ZNF628: variants seen among roughly 807,000 people sequenced by gnomAD.
ZNF628 encodes the protein zinc finger protein Zec.
In ZNF628, 3 loss-of-function variants were observed where a neutral mutation model predicts 2.5. That is an observed-to-expected ratio of 1.19 (90% CI 0.54 to 3.07). The LOEUF (loss-of-function observed/expected upper bound fraction) is 3.07. Ranked by LOEUF, ZNF628 falls within the 30% of genes most tolerant of loss-of-function variation. The probability of loss-of-function intolerance (pLI) is 0.03; values close to 1 mark genes in which losing one functional copy is unlikely to be tolerated. For missense variants in ZNF628, 1,610 were observed against 1,517.1 expected, an observed-to-expected ratio of 1.06 and a Z score of -1.02; for synonymous variants, 861 against 717.1, an observed-to-expected ratio of 1.20 and a Z score of -3.21.
At position 55,482,516 on chromosome 19, in the gene ZNF628, G is replaced by A. The variant is rs1201555434; in HGVS notation, c.1323G>A (p.Pro441=). Residue 441 remains proline, a synonymous_variant, in exon 3 of 3, where the codon CCG becomes CCA. Coordinates refer to ENST00000598519, the MANE Select transcript of ZNF628 (RefSeq NM_033113.3). ...EPLAPAAPVP[P]PPPSAPASAE... Reference sequence around the variant, plus strand: ...TGGCGCCTGCCGCCCCCGTCCCGCCGCCACCCCCGTCCGCCCCCGCTTCTG... The same window carrying A: ...TGGCGCCTGCCGCCCCCGTCCCGCCACCACCCCCGTCCGCCCCCGCTTCTG... The A allele has an allele frequency of 5.2e-6, 5 of 959,192 alleles. No individual in the cohort carries two copies. Among genetic ancestry groups the A allele is most frequent in the South Asian group, 1.6e-5 (1 of 61,340 alleles). The allele number at this position is 959,192 out of a possible 1,614,324, so 59.4% of individuals were successfully genotyped here. A position where few individuals can be genotyped will look rare whatever the true frequency, so the allele number is the denominator to read the frequency against.
rs182599385 is a variant in ZNF628, at chr19:55,477,849, G to A, written c.-78+1042G>A. On this transcript the variant is annotated intron_variant, in intron 1 of 2. Transcript: ENST00000598519. Reference sequence around the variant, plus strand: ...CATTCATTTAAAATTTGTTTACTGCGCACACACTCTGCCAGACATTATTGT... The same window carrying A: ...CATTCATTTAAAATTTGTTTACTGCACACACACTCTGCCAGACATTATTGT... Among the ~76,000 whole-genome samples the A allele has an allele frequency of 4.1e-4, 63 of 152,220 alleles. 1 individual carries two copies. The highest frequency in any genetic ancestry group is 3.5e-3 in the Admixed American group (54 of 15,298).
intron 1 of ZNF628, among the ~76,000 whole-genome samples, chr19:55,478,445 G>T (rs1986616806): frequency 6.6e-6 from 1 of 152,172 alleles, no homozygotes; most frequent in African/African-American, 2.4e-5. Flanking sequence ...GGCGTGCCTG[G>T]CCATCCTGGG....
In ZNF628 at chr19:55,483,122, G is replaced by C; in HGVS notation, c.1929G>C (p.Thr643=). 6.3e-7 allele frequency: 1 copy of C among 1,592,870 alleles called. No homozygotes were observed. The highest frequency in any genetic ancestry group is 1.3e-5 in the African/African-American group (1 of 74,778). The part of the protein sequence containing the change: ...MAAYLQRHLR[T]HAPANTPPST... Reference sequence around the variant, plus strand: ...CCTATCTGCAGCGGCACCTGAGGACGCACGCCCCGGCCAACACGCCTCCCA... The same window carrying C: ...CCTATCTGCAGCGGCACCTGAGGACCCACGCCCCGGCCAACACGCCTCCCA... Residue 643 remains threonine (T), a synonymous_variant, in exon 3 of 3, where the codon ACG becomes ACC. Transcript: ENST00000598519.
chr19:55,481,478 C>T lies in ZNF628; in HGVS notation c.285C>T (p.Pro95=). Residue 95 remains proline, a synonymous_variant, in exon 3 of 3, where the codon CCC becomes CCT. Transcript: ENST00000598519. ...GHTGERPYQC[P]DCPKAFKRSS... is the part of the protein sequence containing the mutation. The stretch of plus-strand genomic sequence containing the variant: ...CGGGCGAGCGGCCCTACCAGTGCCC[C>T]GACTGTCCCAAGGCCTTCAAGCGCT... 6.2e-7 allele frequency: 1 copy of T among 1,609,676 alleles called. No individual in the cohort carries two copies. The highest frequency in any genetic ancestry group is 8.5e-7 in the Non-Finnish European group (1 of 1,178,904).
intron 1 of ZNF628, among the ~76,000 whole-genome samples, chr19:55,477,353 G>GTTTTTTTT (rs60568698): frequency 6.8e-6 from 1 of 146,856 alleles, no homozygotes; most frequent in African/African-American, 2.5e-5. Context: ...CAGTAGGTTT[G>GTTTTTTTT]TTTTTTTTTT....
chr19:55,480,297 G>A (rs924709472), intron 2 of ZNF628, among the ~76,000 whole-genome samples: 1 of 150,146 alleles, frequency 6.7e-6, no homozygotes, highest in Non-Finnish European at 1.5e-5. Context: ...CCAGGCTGGA[G>A]TACAGTGGTG....
intron 1 of ZNF628, among the ~76,000 whole-genome samples, chr19:55,477,346 TAGG>T (rs1986578991): frequency 1.9e-5 from 2 of 105,866 alleles, no homozygotes; most frequent in African/African-American, 8.0e-5. Flanking sequence ...TTAGCATCAG[TAGG>T]TTTGTTTTTT....
intron 1 of ZNF628, among the ~76,000 whole-genome samples, chr19:55,477,205 C>G (rs1176434068): frequency 6.6e-6 from 1 of 152,144 alleles, no homozygotes; most frequent in Non-Finnish European, 1.5e-5. Flanking sequence ...AGGGGAGGTC[C>G]AGCCTGCTGA....
At chr19:55,481,084 C>T (rs1023479092) in intron 2 of ZNF628, 117 bp from the exon 3 acceptor site, 54 of 1,370,332 alleles carry the variant, frequency 3.9e-5, no homozygotes, top group Non-Finnish European at 5.0e-5. Flanking sequence ...GGAAGGTCCC[C>T]TGCAAAGTGG....
rs1181075054 is a variant in ZNF628, at chr19:55,482,445, C to T, written c.1252C>T (p.Pro418Ser). The T allele has an allele frequency of 5.9e-6, 8 of 1,359,328 alleles. No homozygotes were observed. The highest frequency in any genetic ancestry group is 7.5e-5 in the Admixed American group (2 of 26,518). The allele number at this position is 1,359,328 out of a possible 1,614,324, so 84.2% of individuals were successfully genotyped here. A position where few individuals can be genotyped will look rare whatever the true frequency, so the allele number is the denominator to read the frequency against. ...GGAAGAGGCCGCGGCCGGGCGCCCG[C>T]CCCCGCAGGCTGAGGCTGCGGAGGT... The part of the protein sequence containing the change: ...HVEEAAAGRP[P>S]PQAEAAEVTC... Residue 418 changes from proline (P) to serine (S), a missense_variant, in exon 3 of 3, where the codon CCC (proline) becomes TCC (serine). Physicochemically the swap from Pro to Ser is moderately conservative, Grantham distance 74. Around this residue, in one of 5 missense-constraint regions of ZNF628, gnomAD observed 651 missense variants for 575.6 expected, o/e 1.13. Transcript: ENST00000598519.
chr19:55,477,642 A>G (rs1986590735), intron 1 of ZNF628, among the ~76,000 whole-genome samples: 1 of 151,864 alleles, frequency 6.6e-6, no homozygotes, highest in Non-Finnish European at 1.5e-5. Context: ...TGCACCTGTA[A>G]TCCCAGCTAC....
chr19:55,482,600 GC>G lies in ZNF628; in HGVS notation c.1408del (p.Arg470AlafsTer172). 6.2e-7 allele frequency: 1 copy of G among 1,605,302 alleles called. No individual in the cohort carries two copies. Among genetic ancestry groups the G allele is most frequent in the East Asian group, 2.2e-5 (1 of 44,794 alleles). ...GKSFKGSSGLRYHLRDHTGER... is the reference protein window; with the variant it reads ...GKSFKGSSGLXYHLRDHTGER... ...AGTCCTTCAAGGGCTCCTCCGGGCT[GC>G]GCTACCACCTGCGGGACCACACGGG... On this transcript the variant is annotated frameshift_variant, in exon 3 of 3. Coordinates refer to ENST00000598519, the MANE Select transcript of ZNF628 (RefSeq NM_033113.3). LOFTEE classifies it low-confidence loss of function (END_TRUNC).
In ZNF628 at chr19:55,482,021, G is replaced by T. The variant is rs750555989; in HGVS notation, c.828G>T (p.Pro276=). 8.5e-7 allele frequency: 1 copy of T among 1,177,298 alleles called. No homozygotes were observed. The highest frequency in any genetic ancestry group is 1.5e-5 in the South Asian group (1 of 68,700). 72.9% of individuals were successfully genotyped at this position (1,177,298 alleles called of 1,614,324 possible). A position where few individuals can be genotyped will look rare whatever the true frequency, so the allele number is the denominator to read the frequency against. ...PAPPAPPPPP[P]PVVPELFLAA... ...CTCCCGCCCCGCCGCCCCCGCCCCC[G>T]CCCGTGGTGCCTGAGCTCTTTTTGG... The change falls in exon 3 of 3, where the codon CCG becomes CCT. Residue 276 remains proline (P), a synonymous_variant. Transcript: ENST00000598519.
intron 2 of ZNF628, 29 bp from the exon 3 acceptor site, chr19:55,481,172 G>C (rs754695150): frequency 1.3e-6 from 2 of 1,493,230 alleles, no homozygotes; most frequent in Non-Finnish European, 1.8e-6. Flanking sequence ...GTGCGGGGGT[G>C]AGCCGCTGAC....
chr19:55,483,530 T>C lies in ZNF628; in HGVS notation c.2337T>C (p.Pro779=), dbSNP rs377724898. 2 of 1,570,574 alleles carry C rather than the reference T, an allele frequency of 1.3e-6. No homozygotes were observed. Among genetic ancestry groups the C allele is most frequent in the African/African-American group, 2.7e-5 (2 of 74,246 alleles). The change falls in exon 3 of 3, where the codon CCT becomes CCC. Residue 779 remains proline, a synonymous_variant. Coordinates refer to ENST00000598519, the MANE Select transcript of ZNF628 (RefSeq NM_033113.3). Reference sequence around the variant, plus strand: ...CGGGAGTGGTCTGGCTGCCAGGCCCTGGGGGTCTAGGGGTGCAGGGAGCGG... The same window carrying C: ...CGGGAGTGGTCTGGCTGCCAGGCCCCGGGGGTCTAGGGGTGCAGGGAGCGG... The part of the protein sequence containing the change: ...QGAGVVWLPG[P]GGLGVQGAAS...
chr19:55,479,145 G>C lies in ZNF628; in HGVS notation c.-77-689G>C, dbSNP rs1986636424. Among the ~76,000 whole-genome samples, 1 of 152,160 alleles carries C rather than the reference G, an allele frequency of 6.6e-6. No individual in the cohort carries two copies. Among genetic ancestry groups the C allele is most frequent in the South Asian group, 2.1e-4 (1 of 4,832 alleles). On this transcript the variant is annotated intron_variant, in intron 1 of 2. Transcript: ENST00000598519. The surrounding 1 kb of genome is among the most constrained non-coding windows in gnomAD (Gnocchi z 5.1). Reference sequence around the variant, plus strand: ...CGCTCCCACATCTAGAGGTCAGGGAGGTGAGAAGGAACCAAGCTGGGGACT... The same window carrying C: ...CGCTCCCACATCTAGAGGTCAGGGACGTGAGAAGGAACCAAGCTGGGGACT...
At position 55,479,673 on chromosome 19, in the gene ZNF628, G is replaced by A. The variant is rs1986651627; in HGVS notation, c.-77-161G>A. Among the ~76,000 whole-genome samples, 1 of 152,192 alleles carries A rather than the reference G, an allele frequency of 6.6e-6. No individual in the cohort carries two copies. Among genetic ancestry groups the A allele is most frequent in the African/African-American group, 2.4e-5 (1 of 41,428 alleles). On this transcript the variant is annotated intron_variant, in intron 1 of 2. Transcript: ENST00000598519. The surrounding 1 kb of genome is among the most constrained non-coding windows in gnomAD (Gnocchi z 5.1). Reference sequence around the variant, plus strand: ...CATCCCTGGCCTCCACCCACTAGATGCCAGGAGCACTTGCCTCTCTAGTTA... The same window carrying A: ...CATCCCTGGCCTCCACCCACTAGATACCAGGAGCACTTGCCTCTCTAGTTA...
At chr19:55,477,762 C>A (rs137899680) in intron 1 of ZNF628, among the ~76,000 whole-genome samples, 6 of 149,338 alleles carry the variant, frequency 4.0e-5, no homozygotes, top group South Asian at 2.1e-4. Flanking sequence ...ACCCTGTCTC[C>A]AAAAAAAAAC....
At chr19:55,477,965 G>C (rs914105903) in intron 1 of ZNF628, among the ~76,000 whole-genome samples, 7 of 152,190 alleles carry the variant, frequency 4.6e-5, no homozygotes, top group Non-Finnish European at 8.8e-5. Context: ...GAATAAAACA[G>C]AAAGCACACT....
Sources: allele counts gnomAD v4.1 joint callset (sites outside exome capture counted in the v4.1 genomes callset), GRCh38; gene constraint gnomAD v4.1.1; regional missense constraint gnomAD v4.1.1; non-coding constraint Gnocchi (gnomAD v3.1); transcripts MANE v1.5; gene names NCBI Gene and HGNC (gene_info 2026-07-23, HGNC 2026-07-21).